Variants in RBM48 observed in about 807,000 individuals in gnomAD.
RBM48 encodes the protein RNA-binding protein 48.
In RBM48, 32 loss-of-function variants were observed where a neutral mutation model predicts 34.8. That is an observed-to-expected ratio of 0.92 (90% confidence interval 0.69 to 1.23). The LOEUF (loss-of-function observed/expected upper bound fraction) is 1.23. Among genes scored for constraint, RBM48 ranks in the 50% most tolerant of loss-of-function variants. The pLI is 0.00. For missense variants in RBM48, 441 were observed against 447.2 expected (o/e 0.99, Z 0.12); for synonymous variants, 151 against 156.2 (o/e 0.97, Z 0.25).
In RBM48 at chr7:92,528,929, A is replaced by G. The variant is rs749826417; in HGVS notation, c.111+5A>G. The G allele has an allele frequency of 1.9e-6, 3 of 1,610,344 alleles. No homozygotes were observed. The highest frequency in any genetic ancestry group is 2.5e-6 in the Non-Finnish European group (3 of 1,177,164). On this transcript the variant is annotated splice_donor_5th_base_variant and intron_variant, in intron 1 of 4. Transcript: ENST00000265732. ...CGACGGCCTCGTGCTGTGAAGGTAA[A>G]GTGATTTTGGTTTCATTCGCTCTCC...
chr7:92,529,404 A>G, intron 1 of RBM48, 72 bp from the exon 2 acceptor site: 1 of 782,860 alleles, frequency 1.3e-6, no homozygotes, highest in Non-Finnish European at 2.0e-6. Flanking sequence ...AGTTCTCTTT[A>G]AAAAAAAATA....
rs1427491239 is a variant in RBM48, at chr7:92,534,535, T to C, written c.582T>C (p.Tyr194=). 1.9e-6 allele frequency: 3 copies of C among 1,614,182 alleles called. No individual in the cohort carries two copies. The highest frequency in any genetic ancestry group is 2.5e-6 in the Non-Finnish European group (3 of 1,180,034). Residue 194 remains tyrosine (Y), a synonymous_variant, in exon 4 of 5, where the codon TAT becomes TAC. Coordinates refer to ENST00000265732, the MANE Select transcript of RBM48 (RefSeq NM_032120.4). ...LNTSAGNSNP[Y]LPYSCELPLC... is the part of the protein sequence containing the mutation. ...CTTCTGCAGGGAACTCAAATCCTTATCTTCCGTATTCCTGTGAATTGCCTT... is the reference window on the plus strand; with the variant it reads ...CTTCTGCAGGGAACTCAAATCCTTACCTTCCGTATTCCTGTGAATTGCCTT...
chr7:92,535,189 C>T, intron 4 of RBM48: 1 of 1,415,416 alleles, frequency 7.1e-7, no homozygotes, highest in South Asian at 1.6e-5. Context: ...CATTTTATAT[C>T]ACTGTAGATA....
At position 92,528,863 on chromosome 7, in the gene RBM48, A is replaced by C; in HGVS notation, c.50A>C (p.Gln17Pro). ...GGGAGTTTATTTGATCACCACGTCC[A>C]GAGGGCGGTATGCGACACACGGGCC... ...ELGSLFDHHV[Q>P]RAVCDTRAKY... Residue 17 changes from glutamine to proline, a missense_variant, in exon 1 of 5, where the codon CAG becomes CCG. Gln to Pro is a moderately conservative substitution (Grantham distance 76). Transcript: ENST00000265732. 6.2e-7 allele frequency: 1 copy of C among 1,614,144 alleles called. No individual in the cohort carries two copies. Among genetic ancestry groups the C allele is most frequent in the Non-Finnish European group, 8.5e-7 (1 of 1,180,028 alleles).
chr7:92,529,876 G>C (rs1376350831), intron 2 of RBM48, among the ~76,000 whole-genome samples: 1 of 152,100 alleles, frequency 6.6e-6, no homozygotes, highest in Non-Finnish European at 1.5e-5. Context: ...CCTGTAGCTT[G>C]GTAGAGTAGA....
rs957118879 is a variant in RBM48 at position 92,538,839 on chromosome 7, G to A, written c.*1902G>A. Among the ~76,000 whole-genome samples, 3 of 152,162 alleles carry A rather than the reference G, an allele frequency of 2.0e-5. No homozygotes were observed. The highest frequency in any genetic ancestry group is 2.1e-4 in the South Asian group (1 of 4,826). ...TCTAGAGATCTGTTGCATGACAAAC[G>A]TTACCTGACAGTTAAGGAGAGGAGC... On this transcript the variant is annotated 3_prime_UTR_variant, in exon 5 of 5. Transcript: ENST00000265732.
intron 1 of RBM48, 24 bp downstream of exon 1, chr7:92,528,948 G>C (rs1337750228): frequency 1.3e-6 from 2 of 1,542,740 alleles, no homozygotes; most frequent in Admixed American, 3.4e-5. Flanking sequence ...GGTTTCATTC[G>C]CTCTCCTCGG....
chr7:92,536,463 A>G, intron 4 of RBM48: 1 of 987,150 alleles, frequency 1.0e-6, no homozygotes, highest in Non-Finnish European at 1.2e-6. Context: ...CTTCCTGCTC[A>G]TTTCTCCAAA....
rs1793801129 is a variant in RBM48, at chr7:92,539,231, T to C, written c.*2294T>C. Among the ~76,000 whole-genome samples the C allele has an allele frequency of 6.6e-6, 1 of 152,208 alleles. No homozygotes were observed. Among genetic ancestry groups the C allele is most frequent in the African/African-American group, 2.4e-5 (1 of 41,436 alleles). On this transcript the variant is annotated 3_prime_UTR_variant, in exon 5 of 5. Transcript: ENST00000265732. ...CCATTATGCTATATACTGTTTTCGC[T>C]CATCTCTTTTCAGATTGGAAGCCTG... is the stretch of plus-strand genomic sequence containing the variant.
intron 2 of RBM48, among the ~76,000 whole-genome samples, chr7:92,531,950 T>G (rs1658754122): frequency 6.6e-6 from 1 of 152,218 alleles, no homozygotes. Flanking sequence ...CATTTTCTCA[T>G]TGTTATATAT....
intron 4 of RBM48, chr7:92,536,314 T>C (rs559637523): frequency 1.0e-6 from 1 of 977,436 alleles, no homozygotes. Context: ...TTAAATACAG[T>C]TTACTATAGT....
chr7:92,529,558 G>C lies in RBM48; in HGVS notation c.194G>C (p.Arg65Pro). 6.2e-7 allele frequency: 1 copy of C among 1,610,726 alleles called. No individual in the cohort carries two copies. Among genetic ancestry groups the C allele is most frequent in the Non-Finnish European group, 8.5e-7 (1 of 1,177,048 alleles). ...GGAGTCATGAAGGAATTAGTTGAGC[G>C]ATTCGCTTTATATGGTGCAATTGAA... ...AVGVMKELVE[R>P]FALYGAIEQY... is the part of the protein sequence containing the mutation. The change falls in exon 2 of 5, where the codon CGA becomes CCA. Residue 65 changes from arginine (R) to proline (P), a missense_variant. Transcript: ENST00000265732.
intron 1 of RBM48, 55 bp downstream of exon 1, chr7:92,528,979 C>G: frequency 8.1e-7 from 1 of 1,234,698 alleles, no homozygotes; most frequent in Non-Finnish European, 1.2e-6. Context: ...TGAGTGCTAG[C>G]GCCATATGAC....
At chr7:92,529,810 A>G (rs1793504665) in intron 2 of RBM48, 144 bp downstream of exon 2, 4 of 574,536 alleles carry the variant, frequency 7.0e-6, no homozygotes. Context: ...TTTAAAAGTT[A>G]ACTTTACTGA....
intron 3 of RBM48, among the ~76,000 whole-genome samples, chr7:92,534,026 T>C (rs1793641092): frequency 1.3e-5 from 2 of 148,392 alleles, no homozygotes; most frequent in Admixed American, 6.7e-5. Flanking sequence ...CTGTAAGATC[T>C]ACAGTGAAAT....
In RBM48 at chr7:92,538,374, G is replaced by C. The variant is rs920781762; in HGVS notation, c.*1437G>C. ...AACCTCAGGCCTGGTCAGTGGCGTC[G>C]GTTGGTTTTGCCACTGGCTCCATTC... is the stretch of plus-strand genomic sequence containing the variant. On this transcript the variant is annotated 3_prime_UTR_variant, in exon 5 of 5. Coordinates refer to ENST00000265732, the MANE Select transcript of RBM48 (RefSeq NM_032120.4). Among the ~76,000 whole-genome samples the C allele has an allele frequency of 2.0e-5, 3 of 152,076 alleles. No individual in the cohort carries two copies. Among genetic ancestry groups the C allele is most frequent in the Non-Finnish European group, 4.4e-5 (3 of 68,006 alleles).
At chr7:92,536,600 A>G in intron 4 of RBM48, 1 of 1,103,324 alleles carries the variant, frequency 9.1e-7, no homozygotes, top group African/African-American at 1.6e-5. Flanking sequence ...AGTAGAGCAT[A>G]TGTTCACTTT....
intron 1 of RBM48, 78 bp from the exon 2 acceptor site, chr7:92,529,398 C>T: frequency 3.6e-6 from 3 of 844,012 alleles, no homozygotes; most frequent in South Asian, 3.5e-5. Flanking sequence ...TTTCAAAGTT[C>T]TCTTTAAAAA....
intron 2 of RBM48, among the ~76,000 whole-genome samples, chr7:92,530,516 T>C (rs1406419593): frequency 6.7e-6 from 1 of 150,272 alleles, no homozygotes; most frequent in Non-Finnish European, 1.5e-5. Context: ...AAAATTCTGG[T>C]TTGACGCCAG....
Sources: gnomAD v4.1 joint callset for allele counts (sites outside exome capture counted in the v4.1 genomes callset) on GRCh38, gnomAD v4.1.1 for gene constraint, MANE v1.5 for transcripts, NCBI Gene and HGNC (gene_info 2026-07-23, HGNC 2026-07-21) for gene names.